Variants in ZNF653 observed in about 807,000 individuals in gnomAD.
The protein encoded by ZNF653 is zinc finger protein 653, also known as 67 kDa zinc finger protein.
In ZNF653, 37 loss-of-function variants were observed where a neutral mutation model predicts 59.9. The ratio of observed to expected loss-of-function variants is 0.62; its 90% CI spans 0.48 to 0.81. ZNF653 has a LOEUF of 0.81. ZNF653 is among the 40% of genes least tolerant of loss of function. The pLI is 0.00. For missense variants in ZNF653, 808 were observed against 881.1 expected, an observed-to-expected ratio of 0.92 and a Z score of 1.05; for synonymous variants, 435 against 371.8, an observed-to-expected ratio of 1.17 and a Z score of -1.96.
chr19:11,496,222 A>G (rs990670612), intron 2 of ZNF653, 57 bp from the exon 3 acceptor site: 25 of 1,553,852 alleles, frequency 1.6e-5, no homozygotes, highest in African/African-American at 2.7e-5. Flanking sequence ...CCATGGTGAC[A>G]TGGCTGCCTG....
chr19:11,487,932 A>G lies in ZNF653; in HGVS notation c.560-29T>C. The G allele has an allele frequency of 6.6e-7, 1 of 1,520,394 alleles. No individual in the cohort carries two copies. Among genetic ancestry groups the G allele is most frequent in the East Asian group, 2.3e-5 (1 of 43,246 alleles). The allele number at this position is 1,520,394 out of a possible 1,614,324, so 94.2% of individuals were successfully genotyped here. Reference sequence around the variant, plus strand: ...TGGGGACAGAAGAAAGGGAGTGGTTATGATAGCTGCAGCCACTGGTATTTG... The same window carrying G: ...TGGGGACAGAAGAAAGGGAGTGGTTGTGATAGCTGCAGCCACTGGTATTTG... On this transcript the variant is annotated intron_variant, in intron 3 of 8. Coordinates refer to ENST00000293771, the MANE Select transcript of ZNF653 (RefSeq NM_138783.4). The surrounding 1 kb of genome is among the most constrained non-coding windows in gnomAD (Gnocchi z 5.1).
chr19:11,496,393 C>A (rs998488947), intron 2 of ZNF653, among the ~76,000 whole-genome samples: 1 of 152,140 alleles, frequency 6.6e-6, no homozygotes, highest in Non-Finnish European at 1.5e-5. Flanking sequence ...AACAGTGGAG[C>A]CTGGTGCACA....
In ZNF653 at chr19:11,487,978, TTTTA is replaced by T. The variant is rs145550390; in HGVS notation, c.560-79_560-76del. On this transcript the variant is annotated intron_variant, in intron 3 of 8. Transcript: ENST00000293771. The surrounding 1 kb of genome is among the most constrained non-coding windows in gnomAD (Gnocchi z 5.1). ...ATTTGTTTATTTAGTTTTTATTTTATTTTATTTATTTATTTATTTATTTTTTTGA... is the reference window on the plus strand; with the variant it reads ...ATTTGTTTATTTAGTTTTTATTTTATTTTATTTATTTATTTATTTTTTTGA... 2.5e-4 allele frequency: 280 copies of T among 1,134,800 alleles called. No homozygotes were observed. The highest frequency in any genetic ancestry group is 6.7e-4 in the Middle Eastern group (2 of 2,970). 70.3% of individuals were successfully genotyped at this position (1,134,800 alleles called of 1,614,324 possible).
intron 7 of ZNF653, 45 bp from the exon 8 acceptor site, chr19:11,484,186 T>C (rs141080566): frequency 7.1e-7 from 1 of 1,400,988 alleles, no homozygotes; most frequent in African/African-American, 1.4e-5. Flanking sequence ...GGCTATGGGG[T>C]GTCTCTGATG....
intron 3 of ZNF653, among the ~76,000 whole-genome samples, chr19:11,494,475 G>A (rs1174425397): frequency 6.6e-6 from 1 of 152,124 alleles, no homozygotes; most frequent in Admixed American, 6.6e-5. Context: ...TGGATCAACT[G>A]AGGTCAGGAG....
rs1555737003 is a variant in ZNF653, at chr19:11,494,381, A to AAACAT, written c.559+1564_559+1568dup. On this transcript the variant is annotated intron_variant, in intron 3 of 8. Transcript: ENST00000293771. ...ACATAACATAACATAACATAACATA[A>AAACAT]AACATAACATAACATAACATAACAT... 7.6e-3 allele frequency among the ~76,000 whole-genome samples: 1,016 copies of AAACAT among 132,882 alleles called. 6 individuals carry two copies. Among genetic ancestry groups the AAACAT allele is most frequent in the African/African-American group, 9.7e-3 (317 of 32,562 alleles). 87.2% of individuals were successfully genotyped at this position (132,882 alleles called of 152,430 possible).
chr19:11,501,847 T>C (rs644699), intron 1 of ZNF653, among the ~76,000 whole-genome samples: 17,222 of 152,110 alleles, frequency 0.11, 1,495 homozygotes, highest in African/African-American at 0.24. Flanking sequence ...CAGGCTGGAG[T>C]GCGGTGGCAC....
intron 1 of ZNF653, among the ~76,000 whole-genome samples, chr19:11,499,325 G>A (rs897795327): frequency 6.6e-6 from 1 of 152,202 alleles, no homozygotes; most frequent in Non-Finnish European, 1.5e-5. Flanking sequence ...AGCGGGGCAG[G>A]CCTGTGAGTA....
chr19:11,505,295 G>A (rs926109607), intron 1 of ZNF653, 193 bp downstream of exon 1: 8 of 556,260 alleles, frequency 1.4e-5, no homozygotes, highest in East Asian at 3.6e-5. Flanking sequence ...TTGGGCAGTC[G>A]GAACGATGGG....
intron 2 of ZNF653, among the ~76,000 whole-genome samples, chr19:11,496,637 G>A (rs777251880): frequency 1.4e-4 from 21 of 152,210 alleles, no homozygotes; most frequent in Non-Finnish European, 1.8e-4. Context: ...GGAGGCAGAG[G>A]CAGGCGGATC....
At chr19:11,502,436 T>C (rs1156667114) in intron 1 of ZNF653, among the ~76,000 whole-genome samples, 1 of 152,148 alleles carries the variant, frequency 6.6e-6, no homozygotes, top group African/African-American at 2.4e-5. Flanking sequence ...ATGAACCTCC[T>C]TGGACTCATC....
Position 11,489,570 on chromosome 19 carries a change from T to G in ZNF653, c.560-1667A>C, listed in dbSNP as rs374662327. Among the ~76,000 whole-genome samples the G allele has an allele frequency of 2.0e-5, 3 of 152,186 alleles. No homozygotes were observed. In the South Asian group the frequency reaches 6.2e-4, roughly 32 times the overall value. On this transcript the variant is annotated intron_variant, in intron 3 of 8. Coordinates refer to ENST00000293771, the MANE Select transcript of ZNF653 (RefSeq NM_138783.4). ...GTGGCCTTGAACTCCTGGGCTCCAG[T>G]GATCCTCCCACCTCAGCCTCCCAAA...
chr19:11,503,879 G>T (rs749823846), intron 1 of ZNF653, among the ~76,000 whole-genome samples: 55 of 152,102 alleles, frequency 3.6e-4, no homozygotes, highest in Non-Finnish European at 7.2e-4. Context: ...TGAGGCCGGA[G>T]AATCACTTGA....
rs1971428310 is a variant in ZNF653, at chr19:11,483,486, C to G, written c.*196G>C. 1 of 1,392,238 alleles carries G rather than the reference C, an allele frequency of 7.2e-7. No homozygotes were observed. Among genetic ancestry groups the G allele is most frequent in the South Asian group, 1.6e-5 (1 of 63,322 alleles). 86.2% of individuals were successfully genotyped at this position (1,392,238 alleles called of 1,614,324 possible). A position where few individuals can be genotyped will look rare whatever the true frequency, so the allele number is the denominator to read the frequency against. Reference sequence around the variant, plus strand: ...CTTGACACAGTTCCAGCAATGCAGCCCCAGGCACCAGCTCCGAGAAGGATG... The same window carrying G: ...CTTGACACAGTTCCAGCAATGCAGCGCCAGGCACCAGCTCCGAGAAGGATG... On this transcript the variant is annotated 3_prime_UTR_variant, in exon 9 of 9. Transcript: ENST00000293771.
Position 11,485,544 on chromosome 19 carries a change from T to C in ZNF653, c.1570+112A>G. The C allele has an allele frequency of 3.9e-6, 3 of 768,948 alleles. No individual in the cohort carries two copies. The South Asian group carries it at 4.7e-5, about 12-fold the overall frequency. 47.6% of individuals were successfully genotyped at this position (768,948 alleles called of 1,614,324 possible). A position where few individuals can be genotyped will look rare whatever the true frequency, so the allele number is the denominator to read the frequency against. On this transcript the variant is annotated intron_variant, in intron 7 of 8. Transcript: ENST00000293771. ...AGGGAGGAGGCTCCTAGGGGTGTAG[T>C]CCTGTGCCCGGAGACCCAGCACTGG...
chr19:11,505,197 G>A, intron 1 of ZNF653: 1 of 373,730 alleles, frequency 2.7e-6, no homozygotes, highest in Non-Finnish European at 4.8e-6. Flanking sequence ...CTGGAGGTGG[G>A]GCCAGTCCCA....
chr19:11,496,533 C>A (rs1025867697), intron 2 of ZNF653, among the ~76,000 whole-genome samples: 6 of 152,246 alleles, frequency 3.9e-5, no homozygotes, highest in African/African-American at 1.4e-4. Context: ...CGCAAGGGGG[C>A]GCCTGTGAAT....
In ZNF653 at chr19:11,487,701, C is replaced by T; in HGVS notation, c.762G>A (p.Leu254=). 1.9e-6 allele frequency: 3 copies of T among 1,613,814 alleles called. No individual in the cohort carries two copies. Among genetic ancestry groups the T allele is most frequent in the Middle Eastern group, 3.3e-4 (2 of 6,062 alleles). Residue 254 remains leucine, a synonymous_variant, in exon 4 of 9, where the codon CTG becomes CTA. Coordinates refer to ENST00000293771, the MANE Select transcript of ZNF653 (RefSeq NM_138783.4). The surrounding 1 kb of genome is among the most constrained non-coding windows in gnomAD (Gnocchi z 5.1). ...AGCACAGCGGGGTACCCTGCTCGGC[C>T]AGGCTTTCCACGTGGTGGACGTCAA... The part of the protein sequence containing the change: ...IPFDVHHVES[L]AEQGTPLCSN...
At chr19:11,492,431 C>T (rs969829789) in intron 3 of ZNF653, among the ~76,000 whole-genome samples, 2 of 152,156 alleles carry the variant, frequency 1.3e-5, no homozygotes, top group Non-Finnish European at 2.9e-5. Context: ...CTCACTGCAG[C>T]CTCGAGCTCC....
Sources: gnomAD v4.1 joint callset for allele counts (sites outside exome capture counted in the v4.1 genomes callset) on GRCh38, gnomAD v4.1.1 for gene constraint, Gnocchi (gnomAD v3.1) non-coding constraint, MANE v1.5 for transcripts, NCBI Gene and HGNC (gene_info 2026-07-23, HGNC 2026-07-21) for gene names.